UBAP2L: variants seen among roughly 807,000 people sequenced by gnomAD.
UBAP2L encodes the protein ubiquitin associated protein 2 like.
UBAP2L carries 12 observed loss-of-function variants against 130.6 expected under a neutral mutation model. That is an observed-to-expected ratio of 0.09 (90% CI 0.06 to 0.15). The LOEUF is 0.15. Among genes scored for constraint, UBAP2L ranks in the 10% least tolerant of loss-of-function variants. The pLI, the probability that UBAP2L is intolerant of heterozygous loss-of-function variation, is 1.00. For missense variants in UBAP2L, 965 were observed against 1,332.5 expected, an observed-to-expected ratio of 0.72 and a Z score of 4.29; for synonymous variants, 503 against 524.7, an observed-to-expected ratio of 0.96 and a Z score of 0.57.
intron 16 of UBAP2L, 83 bp downstream of exon 16, chr1:154,254,973 GGACAATTGA>G (rs1347482973): frequency 1.9e-5 from 29 of 1,498,546 alleles, no homozygotes; most frequent in Non-Finnish European, 2.4e-5. Flanking sequence ...TCCCTTCACT[GGACAATTGA>G]GACCCATGCT....
chr1:154,231,685 TACTTC>T (rs1041028036), intron 4 of UBAP2L, among the ~76,000 whole-genome samples: 7 of 152,214 alleles, frequency 4.6e-5, no homozygotes, highest in Non-Finnish European at 8.8e-5. Flanking sequence ...ATGTCTAACT[TACTTC>T]ACTTAGTGTA....
Position 154,259,977 on chromosome 1 carries a change from C to G in UBAP2L, c.2526C>G (p.Pro842=), listed in dbSNP as rs1571930984. 1.2e-6 allele frequency: 2 copies of G among 1,614,176 alleles called. No individual in the cohort carries two copies. The highest frequency in any genetic ancestry group is 1.1e-5 in the South Asian group (1 of 91,078). Residue 842 remains proline (P), a synonymous_variant, in exon 22 of 27, where the codon CCC becomes CCG. Transcript: ENST00000428931. The stretch of plus-strand genomic sequence containing the variant: ...ACTACAGCATCCCATTTCCCACACC[C>G]ACTACTCCGCTGACTGGGAGGGATG... ...LDYYSIPFPT[P]TTPLTGRDGS... is the part of the protein sequence containing the mutation.
chr1:154,237,664 T>C (rs1233817130), intron 8 of UBAP2L, among the ~76,000 whole-genome samples: 1 of 152,224 alleles, frequency 6.6e-6, no homozygotes, highest in East Asian at 1.9e-4. Context: ...TTTTTTCCCT[T>C]TATTTTTGGG....
rs1165020913 is a variant in UBAP2L at position 154,246,348 on chromosome 1, A to G, written c.987A>G (p.Ser329=). ...SKQTAISQPA[S]GNTFSHHSMV... ...AGACTGCCATATCACAGCCTGCTTC[A>G]GGGAACACATTTTCTCATCACAGTA... The change falls in exon 11 of 27, where the codon TCA becomes TCG. Residue 329 remains serine (S), a synonymous_variant. Coordinates refer to ENST00000428931, the MANE Select transcript of UBAP2L (RefSeq NM_014847.4). 3.1e-6 allele frequency: 5 copies of G among 1,613,144 alleles called. No individual in the cohort carries two copies. Among genetic ancestry groups the G allele is most frequent in the African/African-American group, 1.3e-5 (1 of 74,932 alleles).
chr1:154,241,339 C>T (rs1006667351), intron 8 of UBAP2L, among the ~76,000 whole-genome samples, 174 bp from the exon 9 acceptor site: 2 of 152,178 alleles, frequency 1.3e-5, no homozygotes, highest in Non-Finnish European at 2.9e-5. Flanking sequence ...CCACCCACCT[C>T]GGCCTCTCAA....
intron 15 of UBAP2L, chr1:154,254,512 A>T (rs1354588774): frequency 2.1e-6 from 1 of 471,282 alleles, no homozygotes; most frequent in African/African-American, 2.0e-5. Flanking sequence ...TGTTGTACTT[A>T]CCCTTCCCCA....
chr1:154,232,375 T>C (rs911364531), intron 4 of UBAP2L, among the ~76,000 whole-genome samples: 4 of 152,000 alleles, frequency 2.6e-5, no homozygotes, highest in Non-Finnish European at 5.9e-5. Context: ...GTCCTGGAAG[T>C]TCCATTTGTA....
Position 154,236,582 on chromosome 1 carries a change from A to G in UBAP2L, c.561A>G (p.Arg187=). 1.2e-6 allele frequency: 2 copies of G among 1,613,990 alleles called. No individual in the cohort carries two copies. The highest frequency in any genetic ancestry group is 1.7e-6 in the Non-Finnish European group (2 of 1,179,980). The change falls in exon 7 of 27, where the codon CGA becomes CGG. Residue 187 remains arginine, a synonymous_variant. Coordinates refer to ENST00000428931, the MANE Select transcript of UBAP2L (RefSeq NM_014847.4). ...TTTCTTTAGGTGGCTCTGGTAGGCG[A>G]GGAGGAAGGTTTTCTGCTCAAGGAA... The part of the protein sequence containing the change: ...RGRGRGGSGR[R]GGRFSAQGMG...
At chr1:154,271,031 C>A (rs1684651560), downstream of UBAP2L, 1 of 1,318,512 alleles carries the variant, frequency 7.6e-7, no homozygotes, top group Non-Finnish European at 1.0e-6. Context: ...AGTATCTTGT[C>A]CTTGAGGGGA....
Position 154,252,511 on chromosome 1 carries a change from C to T in UBAP2L, c.1664+858C>T, listed in dbSNP as rs573481652. Among the ~76,000 whole-genome samples, 7 of 151,766 alleles carry T rather than the reference C, an allele frequency of 4.6e-5. No homozygotes were observed. The East Asian group carries it at 1.4e-3, about 29-fold the overall frequency. ...GGCCAGGCTGGTCTTGAACTCCTGA[C>T]CTCGGGTGATCTGCCCTCCTCGGCC... On this transcript the variant is annotated intron_variant, in intron 14 of 26. Coordinates refer to ENST00000428931, the MANE Select transcript of UBAP2L (RefSeq NM_014847.4).
Position 154,261,693 on chromosome 1 carries a change from C to G in UBAP2L, c.2898C>G (p.Asn966Lys). ...QPSGYGSHGY[N>K]TGVSVTSSNT... ...GTGGATATGGGTCTCATGGATACAACACTGGTAAGCTGACCTTGTCTCTGG... is the reference window on the plus strand; with the variant it reads ...GTGGATATGGGTCTCATGGATACAAGACTGGTAAGCTGACCTTGTCTCTGG... The change falls in exon 24 of 27, where the codon AAC (asparagine) becomes AAG (lysine). Residue 966 changes from asparagine to lysine, a missense_variant. Asn to Lys is a moderately conservative substitution (Grantham distance 94). Coordinates refer to ENST00000428931, the MANE Select transcript of UBAP2L (RefSeq NM_014847.4). The G allele has an allele frequency of 6.2e-7, 1 of 1,614,034 alleles. No individual in the cohort carries two copies. The highest frequency in any genetic ancestry group is 8.5e-7 in the Non-Finnish European group (1 of 1,179,944).
At chr1:154,231,714 C>T (rs1428623579) in intron 4 of UBAP2L, among the ~76,000 whole-genome samples, 1 of 152,152 alleles carries the variant, frequency 6.6e-6, no homozygotes, top group Non-Finnish European at 1.5e-5. Flanking sequence ...TTTCAAGGTT[C>T]GTCCATATTG....
chr1:154,253,224 G>A (rs1678411928), intron 14 of UBAP2L, among the ~76,000 whole-genome samples: 1 of 151,128 alleles, frequency 6.6e-6, no homozygotes, highest in South Asian at 2.1e-4. Flanking sequence ...GGCTGGTCTC[G>A]ATCTCCTGAC....
At chr1:154,243,352 A>T (rs1674209603) in intron 10 of UBAP2L, 50 bp downstream of exon 10, 2 of 1,553,802 alleles carry the variant, frequency 1.3e-6, no homozygotes, top group Non-Finnish European at 1.8e-6. Flanking sequence ...ATCTGCTGAG[A>T]TTACTGTAAA....
At position 154,255,298 on chromosome 1, in the gene UBAP2L, C is replaced by G. The variant is rs1202331294; in HGVS notation, c.2056C>G (p.Pro686Ala). ...LGGLSHSEEI[P>A]NTTTTQHSST... The stretch of plus-strand genomic sequence containing the variant: ...TGGCTTGAGCCACAGTGAGGAGATT[C>G]CAAATACTACCACCACACAACACAG... Residue 686 changes from proline to alanine, a missense_variant, in exon 17 of 27, where the codon CCA becomes GCA. Physicochemically the swap from Pro to Ala is conservative, Grantham distance 27. Transcript: ENST00000428931. The G allele has an allele frequency of 6.2e-6, 10 of 1,614,018 alleles. No homozygotes were observed. Among genetic ancestry groups the G allele is most frequent in the Non-Finnish European group, 8.5e-6 (10 of 1,180,026 alleles).
chr1:154,222,190 C>T (rs1289316678), intron 1 of UBAP2L, among the ~76,000 whole-genome samples: 2 of 152,118 alleles, frequency 1.3e-5, no homozygotes, highest in African/African-American at 4.8e-5. Context: ...CTTCCTCCGC[C>T]GCATATCCTG....
intron 11 of UBAP2L, among the ~76,000 whole-genome samples, chr1:154,247,567 CA>C (rs1460132314): frequency 1.3e-5 from 2 of 152,038 alleles, no homozygotes; most frequent in Admixed American, 6.6e-5. Context: ...CTTTTGATAT[CA>C]AAAAGATGTT....
At chr1:154,267,090 C>T (rs897383386) in intron 25 of UBAP2L, among the ~76,000 whole-genome samples, 33 of 150,604 alleles carry the variant, frequency 2.2e-4, no homozygotes, top group Admixed American at 5.3e-4. Flanking sequence ...ACTTCATGCA[C>T]AAGACCTTCA....
intron 4 of UBAP2L, among the ~76,000 whole-genome samples, chr1:154,230,042 GTC>G (rs1050276159): frequency 2.0e-5 from 3 of 151,660 alleles, no homozygotes; most frequent in African/African-American, 4.8e-5. Flanking sequence ...TTGAGACGGT[GTC>G]TCTCTCTGTC....
Sources: gnomAD v4.1 joint callset for allele counts (sites outside exome capture counted in the v4.1 genomes callset) on GRCh38, gnomAD v4.1.1 for gene constraint, MANE v1.5 for transcripts, NCBI Gene and HGNC (gene_info 2026-07-23, HGNC 2026-07-21) for gene names.